The following FHL2 variants were observed in gnomAD, a reference collection of about 807,000 sequenced individuals.
The protein encoded by FHL2 is four and a half LIM domains 2.
A neutral mutation model predicts 32.7 loss-of-function variants in FHL2; 20 were observed. The observed-to-expected ratio is 0.61, with a 90% confidence interval of 0.43 to 0.89. The LOEUF is 0.89. Ranked by LOEUF, FHL2 falls within the 40% of genes least tolerant of loss-of-function variation. The pLI is 0.00. For synonymous variants in FHL2, 123 were observed against 128.1 expected (o/e 0.96, Z 0.27); for missense variants, 311 against 358.6 (o/e 0.87, Z 1.07).
Position 105,363,452 on chromosome 2 carries a change from A to G in FHL2, c.521T>C (p.Val174Ala), listed in dbSNP as rs144442113. The stretch of plus-strand genomic sequence containing the variant: ...GTGCCAGGGCTGCTCCCGGTAAGTG[A>G]CCCCTCCCGTGGTGATGGGCTGCAG... The part of the protein sequence containing the change: ...QCKKPITTGG[V>A]TYREQPWHKE... The change falls in exon 6 of 7, where the codon GTC becomes GCC. Residue 174 changes from valine to alanine, a missense_variant. Val to Ala is a moderately conservative substitution (Grantham distance 64). Transcript: ENST00000530340. 1.3e-5 allele frequency: 21 copies of G among 1,609,438 alleles called. No individual in the cohort carries two copies. In the African/African-American group the frequency reaches 2.0e-4, roughly 15 times the overall value.
intron 2 of FHL2, among the ~76,000 whole-genome samples, chr2:105,391,367 G>A (rs1380611490): frequency 1.3e-5 from 2 of 152,200 alleles, no homozygotes; most frequent in African/African-American, 4.8e-5. Context: ...ACGCAGAGGA[G>A]GAGCCCCTGA....
At chr2:105,425,316 C>T (rs761801917) in intron 1 of FHL2, among the ~76,000 whole-genome samples, 2 of 152,158 alleles carry the variant, frequency 1.3e-5, no homozygotes, top group African/African-American at 2.4e-5. Flanking sequence ...CATTGCCATT[C>T]TCTAGTCTCA....
chr2:105,431,219 G>T (rs757701067), intron 1 of FHL2, among the ~76,000 whole-genome samples: 3 of 152,152 alleles, frequency 2.0e-5, no homozygotes, highest in East Asian at 1.9e-4. Flanking sequence ...CATTTATTTA[G>T]CATCTAGTAG....
chr2:105,416,188 T>C (rs192086597), intron 1 of FHL2, among the ~76,000 whole-genome samples: 12 of 152,096 alleles, frequency 7.9e-5, no homozygotes, highest in African/African-American at 2.7e-4. Context: ...TAACATTAAA[T>C]CCGTAACAGG....
At chr2:105,367,505 A>C in intron 5 of FHL2, 65 bp downstream of exon 5, 1 of 1,492,406 alleles carries the variant, frequency 6.7e-7, no homozygotes, top group Admixed American at 2.0e-5. Context: ...AAGAGAACTG[A>C]CAGACATGGA....
At chr2:105,386,340 G>A (rs376186254) in intron 3 of FHL2, 21 bp downstream of exon 3, 39 of 1,609,788 alleles carry the variant, frequency 2.4e-5, no homozygotes, top group East Asian at 1.1e-4. Context: ...CCGGGGACCC[G>A]CAGAGGCCCG....
At position 105,361,149 on chromosome 2, in the gene FHL2, G is replaced by C. The variant is rs11537577; in HGVS notation, c.*134C>G. ...AGCACTAAAGGGTTTAAGCAAACGT[G>C]AGTATCACTGAAAAGCACTAGAAGA... On this transcript the variant is annotated 3_prime_UTR_variant, in exon 7 of 7. Transcript: ENST00000530340. 1.1e-6 allele frequency: 1 copy of C among 879,908 alleles called. No homozygotes were observed. The highest frequency in any genetic ancestry group is 1.8e-6 in the Non-Finnish European group (1 of 567,214). The allele number at this position is 879,908 out of a possible 1,614,324, so 54.5% of individuals were successfully genotyped here. A position where few individuals can be genotyped will look rare whatever the true frequency, so the allele number is the denominator to read the frequency against.
intron 3 of FHL2, among the ~76,000 whole-genome samples, chr2:105,377,532 G>A (rs1243566235): frequency 6.6e-6 from 1 of 152,168 alleles, no homozygotes; most frequent in Non-Finnish European, 1.5e-5. Flanking sequence ...TCAGGAGGCT[G>A]AGGCAGGAGA....
upstream of FHL2, chr2:105,399,643 C>T: frequency 6.7e-7 from 1 of 1,493,460 alleles, no homozygotes; most frequent in South Asian, 1.3e-5. Flanking sequence ...TCTTGGATTC[C>T]CCTCCAGGGC....
chr2:105,383,396 A>G (rs148489691), intron 3 of FHL2, among the ~76,000 whole-genome samples: 47 of 152,198 alleles, frequency 3.1e-4, no homozygotes, highest in African/African-American at 1.1e-3. Flanking sequence ...AATAATCTTT[A>G]CCCTTTGAGA....
intron 1 of FHL2, 47 bp downstream of exon 1, chr2:105,398,795 C>T: frequency 1.5e-6 from 2 of 1,369,186 alleles, no homozygotes; most frequent in Non-Finnish European, 1.9e-6. Context: ...GTTCGGGTCC[C>T]CTCTCCCAGT....
Position 105,371,635 on chromosome 2 carries a change from G to A in FHL2, c.331+1924C>T, listed in dbSNP as rs1412694569. Reference sequence around the variant, plus strand: ...GATTGATTCTGTTTCTCTGGAGAACGTGACTAACACAGAAAGTCAAGACAG... The same window carrying A: ...GATTGATTCTGTTTCTCTGGAGAACATGACTAACACAGAAAGTCAAGACAG... On this transcript the variant is annotated intron_variant, in intron 4 of 6. Coordinates refer to ENST00000530340, the MANE Select transcript of FHL2 (RefSeq NM_001318895.3). Among the ~76,000 whole-genome samples the A allele has an allele frequency of 2.6e-5, 4 of 151,668 alleles. No homozygotes were observed. The East Asian group carries it at 5.8e-4, about 22-fold the overall frequency.
intron 5 of FHL2, among the ~76,000 whole-genome samples, chr2:105,366,449 G>C (rs1680640535): frequency 6.6e-6 from 1 of 152,208 alleles, no homozygotes; most frequent in South Asian, 2.1e-4. Flanking sequence ...CAGAACCTGT[G>C]ATGAGTTCCA....
chr2:105,431,525 G>A (rs1333719835), intron 1 of FHL2, among the ~76,000 whole-genome samples: 2 of 152,218 alleles, frequency 1.3e-5, no homozygotes, highest in Non-Finnish European at 2.9e-5. Flanking sequence ...AATGCCCTGG[G>A]GCAGGGCAGT....
At chr2:105,396,620 A>G (rs749785623) in intron 2 of FHL2, 27 bp downstream of exon 2, 2 of 1,606,320 alleles carry the variant, frequency 1.2e-6, no homozygotes, top group South Asian at 2.2e-5. Flanking sequence ...ACAATTTAGG[A>G]TAACAGAGGA....
At chr2:105,393,054 T>C (rs1682845968) in intron 2 of FHL2, among the ~76,000 whole-genome samples, 2 of 152,138 alleles carry the variant, frequency 1.3e-5, no homozygotes, top group Admixed American at 6.5e-5. Flanking sequence ...ACAGCCTCCC[T>C]TGGCTTGCTG....
chr2:105,416,999 A>G (rs1002642749), intron 1 of FHL2, among the ~76,000 whole-genome samples: 17 of 152,236 alleles, frequency 1.1e-4, no homozygotes. Flanking sequence ...GGGCCACTGC[A>G]CAACTTCCTT....
At chr2:105,373,317 C>G (rs1391924300) in intron 4 of FHL2, among the ~76,000 whole-genome samples, 4 of 152,192 alleles carry the variant, frequency 2.6e-5, no homozygotes, top group Non-Finnish European at 5.9e-5. Context: ...TTTTCTTACT[C>G]TAACAATTTG....
chr2:105,415,854 G>GA (rs1225284608), intron 1 of FHL2, among the ~76,000 whole-genome samples: 1 of 152,160 alleles, frequency 6.6e-6, no homozygotes, highest in Non-Finnish European at 1.5e-5. Context: ...CCCATGGTGG[G>GA]AAAATGGCCC....
Sources: allele counts gnomAD v4.1 joint callset (sites outside exome capture counted in the v4.1 genomes callset), GRCh38; gene constraint gnomAD v4.1.1; transcripts MANE v1.5; gene names NCBI Gene and HGNC (gene_info 2026-07-23, HGNC 2026-07-21).